The following SLC66A3 variants were observed in gnomAD, a reference collection of about 807,000 sequenced individuals.
SLC66A3 encodes PQ loop repeat containing 3.
In SLC66A3, 23 loss-of-function variants were observed where a neutral mutation model predicts 25.5. That is an observed-to-expected ratio of 0.90 (90% CI 0.65 to 1.28). SLC66A3 has a LOEUF of 1.28. Among genes scored for constraint, SLC66A3 ranks in the 50% most tolerant of loss-of-function variants. The pLI, the probability that SLC66A3 is intolerant of heterozygous loss-of-function variation, is 0.00. For synonymous variants in SLC66A3, 108 were observed against 112.6 expected, an observed-to-expected ratio of 0.96 and a Z score of 0.26; for missense variants, 246 against 262.1, an observed-to-expected ratio of 0.94 and a Z score of 0.42.
chr2:11,167,669 T>C (rs1212617123), intron 4 of SLC66A3, among the ~76,000 whole-genome samples: 1 of 152,178 alleles, frequency 6.6e-6, no homozygotes, highest in East Asian at 1.9e-4. Context: ...CAATGAGTGT[T>C]CCTCACGCAC....
intron 1 of SLC66A3, 110 bp from the exon 2 acceptor site, chr2:11,160,356 C>A: frequency 1.2e-6 from 1 of 863,296 alleles, no homozygotes; most frequent in East Asian, 2.4e-5. Flanking sequence ...GGCGTGTCCA[C>A]ACCCCCACTG....
rs777132047 is a variant in SLC66A3 at position 11,160,557 on chromosome 2, C to T, written c.226+9C>T. 1.9e-6 allele frequency: 3 copies of T among 1,614,084 alleles called. No individual in the cohort carries two copies. The South Asian group carries it at 3.3e-5, about 18-fold the overall frequency. On this transcript the variant is annotated intron_variant, in intron 2 of 6. Coordinates refer to ENST00000295083, the MANE Select transcript of SLC66A3 (RefSeq NM_152391.5). Reference sequence around the variant, plus strand: ...CATCCTCATCGCGCAAGGTAACAGCCCCTTCCCTGTCCAGCGGACTGCCAC... The same window carrying T: ...CATCCTCATCGCGCAAGGTAACAGCTCCTTCCCTGTCCAGCGGACTGCCAC...
chr2:11,161,526 C>CT (rs1166979518), intron 3 of SLC66A3, among the ~76,000 whole-genome samples: 2 of 151,058 alleles, frequency 1.3e-5, no homozygotes, highest in East Asian at 1.9e-4. Flanking sequence ...ATGTTTTAAC[C>CT]TTTTTTTTAA....
At chr2:11,173,533 C>G (rs549283861) in intron 5 of SLC66A3, among the ~76,000 whole-genome samples, 2 of 152,310 alleles carry the variant, frequency 1.3e-5, no homozygotes, top group East Asian at 3.9e-4. Context: ...TATGTGGTGT[C>G]TGTGTGTAAA....
chr2:11,175,117 A>G, intron 6 of SLC66A3, 108 bp downstream of exon 6: 1 of 791,236 alleles, frequency 1.3e-6, no homozygotes, highest in Admixed American at 2.5e-5. Context: ...CTGTTGGATT[A>G]TAGATTTAGA....
At chr2:11,164,109 C>T (rs1046947948) in intron 3 of SLC66A3, 95 bp from the exon 4 acceptor site, 4 of 721,742 alleles carry the variant, frequency 5.5e-6, no homozygotes, top group Non-Finnish European at 9.3e-6. Context: ...CTGGCTTCTG[C>T]GTGCCGCTGT....
chr2:11,160,332 T>C, intron 1 of SLC66A3, 134 bp from the exon 2 acceptor site: 1 of 743,788 alleles, frequency 1.3e-6, no homozygotes, highest in Admixed American at 2.0e-5. Flanking sequence ...TTCTAAACCT[T>C]CCTCTTTGAC....
rs1661924903 is a variant in SLC66A3 at position 11,156,910 on chromosome 2, A to G, written c.143+1221A>G. Among the ~76,000 whole-genome samples, 3 of 152,264 alleles carry G rather than the reference A, an allele frequency of 2.0e-5. No individual in the cohort carries two copies. The South Asian group carries it at 6.2e-4, about 32-fold the overall frequency. ...TGGAGCGATGAGGTTGTGGCAAAGG[A>G]CACAGGCTGGAAGTGGCTGTGGTGA... On this transcript the variant is annotated intron_variant, in intron 1 of 6. Transcript: ENST00000295083.
chr2:11,169,780 G>A (rs1015515507), intron 4 of SLC66A3, among the ~76,000 whole-genome samples: 2 of 147,704 alleles, frequency 1.4e-5, no homozygotes, highest in African/African-American at 5.0e-5. Context: ...TGGGAACTCT[G>A]TTCTTCCACT....
intron 1 of SLC66A3, among the ~76,000 whole-genome samples, chr2:11,156,140 C>A (rs1201528331): frequency 6.6e-6 from 1 of 152,226 alleles, no homozygotes; most frequent in African/African-American, 2.4e-5. Flanking sequence ...AATCTCTTCT[C>A]TTCTCCCGGT....
intron 1 of SLC66A3, among the ~76,000 whole-genome samples, chr2:11,158,863 A>C (rs1372821351): frequency 6.6e-6 from 1 of 152,120 alleles, no homozygotes; most frequent in East Asian, 1.9e-4. Context: ...CACTGTCCCC[A>C]CCCCACCTCC....
intron 6 of SLC66A3, among the ~76,000 whole-genome samples, chr2:11,177,185 C>G (rs564897852): frequency 6.6e-6 from 1 of 152,228 alleles, no homozygotes; most frequent in East Asian, 1.9e-4. Flanking sequence ...TTAGGCTGGG[C>G]ACAGTGGCTC....
intron 3 of SLC66A3, among the ~76,000 whole-genome samples, chr2:11,161,262 GT>G (rs752968971): frequency 4.5e-4 from 31 of 69,212 alleles, no homozygotes; most frequent in South Asian, 7.1e-4. Flanking sequence ...CCAGGAGAGT[GT>G]TTTTTTTTTT....
chr2:11,169,985 C>T (rs568952572), intron 4 of SLC66A3, among the ~76,000 whole-genome samples: 13 of 151,938 alleles, frequency 8.6e-5, no homozygotes, highest in African/African-American at 2.9e-4. Flanking sequence ...ACTACAGGCA[C>T]GTGCCACCAC....
chr2:11,168,318 TC>T (rs1189895161), intron 4 of SLC66A3, among the ~76,000 whole-genome samples: 3 of 151,054 alleles, frequency 2.0e-5, no homozygotes, highest in Non-Finnish European at 3.0e-5. Context: ...CAGCTAAGCA[TC>T]CCTTCTTTCC....
At chr2:11,156,844 G>A (rs1438233096) in intron 1 of SLC66A3, among the ~76,000 whole-genome samples, 3 of 152,152 alleles carry the variant, frequency 2.0e-5, no homozygotes, top group Non-Finnish European at 2.9e-5. Flanking sequence ...GGCAGCATGC[G>A]TTTCAGGTTG....
At position 11,155,660 on chromosome 2, in the gene SLC66A3, C is replaced by A; in HGVS notation, c.114C>A (p.Ser38Arg). The A allele has an allele frequency of 6.8e-7, 1 of 1,474,320 alleles. No individual in the cohort carries two copies. The highest frequency in any genetic ancestry group is 8.9e-7 in the Non-Finnish European group (1 of 1,119,830). 91.3% of individuals were successfully genotyped at this position (1,474,320 alleles called of 1,614,324 possible). A position where few individuals can be genotyped will look rare whatever the true frequency, so the allele number is the denominator to read the frequency against. Residue 38 changes from serine (S) to arginine (R), a missense_variant, in exon 1 of 7, where the codon AGC becomes AGA. Physicochemically the swap from Ser to Arg is moderately radical, Grantham distance 110. Coordinates refer to ENST00000295083, the MANE Select transcript of SLC66A3 (RefSeq NM_152391.5). ...VLAARSARGL[S>R]LPSLLLELAG... Reference sequence around the variant, plus strand: ...CGGCGCGCAGCGCGCGGGGCCTCAGCCTTCCGAGTTTACTTCTGGAGCTGG... The same window carrying A: ...CGGCGCGCAGCGCGCGGGGCCTCAGACTTCCGAGTTTACTTCTGGAGCTGG...
chr2:11,158,525 G>A (rs1014590450), intron 1 of SLC66A3, among the ~76,000 whole-genome samples: 16 of 152,362 alleles, frequency 1.1e-4, no homozygotes, highest in Admixed American at 1.3e-4. Context: ...AGCTGGGCGT[G>A]GTGGCTGGCG....
At position 11,160,027 on chromosome 2, in the gene SLC66A3, C is replaced by T. The variant is rs573341422; in HGVS notation, c.144-439C>T. Among the ~76,000 whole-genome samples the T allele has an allele frequency of 7.9e-5, 12 of 152,316 alleles. No individual in the cohort carries two copies. The South Asian group carries it at 2.5e-3, about 32-fold the overall frequency. ...GCATCCAGGGATGGTTGCGGCTCCT[C>T]GGATCCTTGCGCCTCTGCAGCTTCT... On this transcript the variant is annotated intron_variant, in intron 1 of 6. Coordinates refer to ENST00000295083, the MANE Select transcript of SLC66A3 (RefSeq NM_152391.5).
Sources: gnomAD v4.1 joint callset for allele counts (sites outside exome capture counted in the v4.1 genomes callset) on GRCh38, gnomAD v4.1.1 for gene constraint, MANE v1.5 for transcripts, NCBI Gene and HGNC (gene_info 2026-07-23, HGNC 2026-07-21) for gene names.